Variants in FRMPD4 observed in about 807,000 individuals in gnomAD.
FRMPD4 encodes the protein FERM and PDZ domain-containing protein 4.
Under a neutral mutation model 94.1 loss-of-function variants are expected in FRMPD4, and 22 were observed. The observed-to-expected ratio is 0.23, with a 90% CI of 0.17 to 0.33. The LOEUF (loss-of-function observed/expected upper bound fraction) is 0.33. Among genes scored for constraint, FRMPD4 ranks in the 10% least tolerant of loss-of-function variants. FRMPD4 has a pLI of 1.00. For missense variants in FRMPD4, 1,111 were observed against 1,339.9 expected (o/e 0.83, Z 2.67); for synonymous variants, 631 against 548.6 (o/e 1.15, Z -2.10).
At chrX:12,128,392 T>C (rs755450259) in intron 3 of FRMPD4, among the ~76,000 whole-genome samples, 2 of 112,348 alleles carry the variant, frequency 1.8e-5, no homozygotes, top group African/African-American at 6.5e-5. Flanking sequence ...CTTTTAGCTA[T>C]GGCTGGAGCT....
rs2057592945 is a variant in FRMPD4, at chrX:12,476,007, T to A, written c.42-22673T>A. Among the ~76,000 whole-genome samples the A allele has an allele frequency of 2.7e-5, 3 of 111,694 alleles. No individual in the cohort carries two copies. The Admixed American group carries it at 2.8e-4, about 11-fold the overall frequency. ...CCAAAAAAGAGCCCGCATTGCCAAG[T>A]CAATCCTAAGCCAAAAGAACAAAGC... On this transcript the variant is annotated intron_variant, in intron 1 of 16. Transcript: ENST00000675598.
chrX:12,002,627 T>C (rs1189010626), intron 3 of FRMPD4, among the ~76,000 whole-genome samples: 1 of 111,928 alleles, frequency 8.9e-6, no homozygotes, highest in Non-Finnish European at 1.9e-5. Flanking sequence ...TGGAATGGTG[T>C]ATGGCACATA....
intron 2 of FRMPD4, among the ~76,000 whole-genome samples, chrX:12,561,966 A>C (rs938037492): frequency 8.0e-5 from 9 of 112,556 alleles, no homozygotes; most frequent in African/African-American, 1.3e-4. Context: ...GAAACTGGGG[A>C]GATTTTTTTC....
chrX:12,468,307 A>G (rs1203368604), intron 1 of FRMPD4, among the ~76,000 whole-genome samples: 5 of 112,453 alleles, frequency 4.4e-5, no homozygotes, highest in Non-Finnish European at 9.4e-5. Flanking sequence ...TCAAAGAGCT[A>G]GAACAAATTA....
intron 1 of FRMPD4, among the ~76,000 whole-genome samples, chrX:12,418,350 C>CTTTT (rs540740432): frequency 7.5e-4 from 61 of 81,020 alleles, no homozygotes; most frequent in Non-Finnish European, 1.1e-3. Flanking sequence ...GTGTTTCTTT[C>CTTTT]TTTTTTTTTT....
In FRMPD4 at chrX:12,723,205, T is replaced by C. The variant is rs1254266603; in HGVS notation, c.*1347T>C. On this transcript the variant is annotated 3_prime_UTR_variant, in exon 17 of 17. Transcript: ENST00000675598. ...GAATGCAAAGAACTTTCCAGGACTG[T>C]CACATCTCTAAAAGTACCCTGCAGT... 8.9e-6 allele frequency: 1 copy of C among 111,870 alleles called. No individual in the cohort carries two copies. Among genetic ancestry groups the C allele is most frequent in the African/African-American group, 3.3e-5 (1 of 30,758 alleles). The allele number at this position is 111,870 out of a possible 1,213,427, so 9.2% of individuals were successfully genotyped here. A position where few individuals can be genotyped will look rare whatever the true frequency, so the allele number is the denominator to read the frequency against.
At chrX:12,652,386 T>C (rs2059603580) in intron 4 of FRMPD4, among the ~76,000 whole-genome samples, 1 of 112,321 alleles carries the variant, frequency 8.9e-6, no homozygotes, top group South Asian at 3.7e-4. Context: ...CACACAATTT[T>C]CCATTTTAAT....
intron 1 of FRMPD4, among the ~76,000 whole-genome samples, chrX:12,427,895 C>CTTT (rs1569272212): frequency 6.6e-5 from 4 of 60,798 alleles, no homozygotes; most frequent in Non-Finnish European, 5.9e-5. Flanking sequence ...TTCCTTTTTT[C>CTTT]TCTTTTTTTT....
chrX:11,948,026 G>T (rs866066910), intron 3 of FRMPD4, among the ~76,000 whole-genome samples: 24 of 105,760 alleles, frequency 2.3e-4, no homozygotes, highest in African/African-American at 2.8e-4. Flanking sequence ...GGAGGTGGAG[G>T]TTGCAGTGAG....
intron 3 of FRMPD4, among the ~76,000 whole-genome samples, chrX:12,065,860 C>T (rs2054916661): frequency 8.9e-6 from 1 of 111,965 alleles, no homozygotes; most frequent in Non-Finnish European, 1.9e-5. Flanking sequence ...TGAGAAATTA[C>T]TCATTTTTTC....
intron 3 of FRMPD4, among the ~76,000 whole-genome samples, chrX:11,919,512 G>A (rs946290295): frequency 9.1e-6 from 1 of 110,034 alleles, no homozygotes; most frequent in Non-Finnish European, 1.9e-5. Flanking sequence ...TAGTGTGGCT[G>A]GGACACTTCA....
chrX:12,499,794 T>C (rs754356434), intron 2 of FRMPD4, among the ~76,000 whole-genome samples: 2 of 112,233 alleles, frequency 1.8e-5, no homozygotes, highest in Admixed American at 1.9e-4. Context: ...ATTTGGGTTG[T>C]TTCCACCTTT....
chrX:12,053,449 A>G (rs1486867650), intron 3 of FRMPD4, among the ~76,000 whole-genome samples: 2 of 106,947 alleles, frequency 1.9e-5, no homozygotes, highest in Non-Finnish European at 3.9e-5. Context: ...AGAAGAGAAG[A>G]GAAGAGAGGA....
At chrX:11,966,327 G>A (rs954054906) in intron 3 of FRMPD4, among the ~76,000 whole-genome samples, 18 of 111,075 alleles carry the variant, frequency 1.6e-4, no homozygotes, top group African/African-American at 5.6e-4. Flanking sequence ...AAATAAAGGA[G>A]CTTGTTTGCC....
intron 1 of FRMPD4, chrX:12,494,837 C>T (rs1018524790): frequency 8.6e-6 from 1 of 115,844 alleles, no homozygotes; most frequent in African/African-American, 3.2e-5. Flanking sequence ...GGGTAAAGCA[C>T]AAAGTTACAA....
intron 2 of FRMPD4, among the ~76,000 whole-genome samples, chrX:12,591,348 C>T (rs2058981274): frequency 8.9e-6 from 1 of 111,876 alleles, no homozygotes; most frequent in African/African-American, 3.2e-5. Context: ...TCATGCTGAG[C>T]AGGCTGAGGA....
At chrX:11,934,336 T>C (rs1267586859) in intron 3 of FRMPD4, among the ~76,000 whole-genome samples, 3 of 111,943 alleles carry the variant, frequency 2.7e-5, no homozygotes, top group Non-Finnish European at 3.8e-5. Context: ...CAGGATGTTA[T>C]GGCTGGAAGG....
chrX:12,350,968 A>G (rs754661110), intron 1 of FRMPD4, among the ~76,000 whole-genome samples: 16 of 111,694 alleles, frequency 1.4e-4, no homozygotes, highest in African/African-American at 3.6e-4. Flanking sequence ...GAGGTCAGGA[A>G]ATCGAGACCA....
At chrX:11,935,095 T>TTTTAA (rs869047289) in intron 3 of FRMPD4, among the ~76,000 whole-genome samples, 568 of 48,923 alleles carry the variant, frequency 0.012, 18 homozygotes, top group African/African-American at 0.033. Context: ...TTTTTTTTTT[T>TTTTAA]AAATTTAACA....
Sources: gnomAD v4.1 joint callset for allele counts (sites outside exome capture counted in the v4.1 genomes callset) on GRCh38, gnomAD v4.1.1 for gene constraint, MANE v1.5 for transcripts, NCBI Gene and HGNC (gene_info 2026-07-23, HGNC 2026-07-21) for gene names.